Variants in NFS1 observed in about 807,000 individuals in gnomAD.
NFS1 encodes the protein NFS1 cysteine desulfurase.
Under a neutral mutation model 57.3 loss-of-function variants are expected in NFS1, and 26 were observed. The ratio of observed to expected loss-of-function variants is 0.45; its 90% CI spans 0.33 to 0.63. The LOEUF is 0.63. NFS1 is among the 20% of genes least tolerant of loss of function. NFS1 has a pLI of 0.02. For missense variants in NFS1, 505 were observed against 605.8 expected, an observed-to-expected ratio of 0.83 and a Z score of 1.75; for synonymous variants, 209 against 216.3, an observed-to-expected ratio of 0.97 and a Z score of 0.30.
At chr20:35,675,465 T>C (rs930848193) in intron 7 of NFS1, 1 of 515,906 alleles carries the variant, frequency 1.9e-6, no homozygotes, top group Non-Finnish European at 3.4e-6. Flanking sequence ...AATGCCATCA[T>C]ACATTACAGT....
chr20:35,698,037 A>C (rs1033602426), intron 2 of NFS1, among the ~76,000 whole-genome samples: 11 of 152,176 alleles, frequency 7.2e-5, no homozygotes, highest in African/African-American at 1.2e-4. Context: ...GGTAGTCTAC[A>C]AACACTGCCT....
chr20:35,674,628 G>C lies in NFS1; in HGVS notation c.949-11C>G, dbSNP rs766098518. 3.7e-5 allele frequency: 60 copies of C among 1,603,884 alleles called. No individual in the cohort carries two copies. The highest frequency in any genetic ancestry group is 5.1e-5 in the Non-Finnish European group (60 of 1,170,818). ...TCGCTTGTGGTCATACTAAGGAGCA[G>C]GCAAGGAAGGATTAGGCAGTAACCA... On this transcript the variant is annotated splice_polypyrimidine_tract_variant and intron_variant, in intron 8 of 12. Transcript: ENST00000374092.
intron 5 of NFS1, 111 bp downstream of exon 5, chr20:35,690,302 C>G: frequency 1.9e-6 from 2 of 1,037,816 alleles, no homozygotes; most frequent in South Asian, 3.0e-5. Context: ...TAAACTTCAT[C>G]CTAACTGTTA....
intron 12 of NFS1, among the ~76,000 whole-genome samples, chr20:35,671,529 C>G (rs1269116470): frequency 6.6e-6 from 1 of 152,136 alleles, no homozygotes; most frequent in Non-Finnish European, 1.5e-5. Flanking sequence ...TACAACTGTG[C>G]CACTGCACTC....
rs1021669622 is a variant in NFS1, at chr20:35,699,318, G to A, written c.-30C>T. 9 of 1,395,954 alleles carry A rather than the reference G, an allele frequency of 6.4e-6. No homozygotes were observed. Among genetic ancestry groups the A allele is most frequent in the Non-Finnish European group, 8.3e-6 (9 of 1,081,630 alleles). The allele number at this position is 1,395,954 out of a possible 1,614,324, so 86.5% of individuals were successfully genotyped here. A position where few individuals can be genotyped will look rare whatever the true frequency, so the allele number is the denominator to read the frequency against. On this transcript the variant is annotated 5_prime_UTR_variant, in exon 1 of 13. Transcript: ENST00000374092. The surrounding 1 kb of genome is among the most constrained non-coding windows in gnomAD (Gnocchi z 4.4). ...CCGCTGGCAGAGCCCACCTTCCGAA[G>A]CCGCTGCAGTCCTGGGCCCCAGGCT...
intron 5 of NFS1, among the ~76,000 whole-genome samples, chr20:35,682,460 G>A (rs2034864284): frequency 1.3e-5 from 2 of 152,192 alleles, no homozygotes; most frequent in Admixed American, 6.5e-5. Flanking sequence ...ACACGCAGCA[G>A]TGAATGAATT....
At chr20:35,674,774 T>A in intron 8 of NFS1, 157 bp from the exon 9 acceptor site, 1 of 685,142 alleles carries the variant, frequency 1.5e-6, no homozygotes, top group East Asian at 2.7e-5. Flanking sequence ...GTACTGAGCA[T>A]AGTGCCTGGT....
intron 5 of NFS1, among the ~76,000 whole-genome samples, chr20:35,683,061 GA>G (rs1310876591): frequency 6.6e-6 from 1 of 151,608 alleles, no homozygotes; most frequent in Non-Finnish European, 1.5e-5. Context: ...CTGGGCAACA[GA>G]ACAAGATTCC....
At chr20:35,696,300 A>G (rs929027398) in intron 4 of NFS1, 77 bp downstream of exon 4, 29 of 953,892 alleles carry the variant, frequency 3.0e-5, no homozygotes, top group Admixed American at 5.2e-5. Context: ...AAATACATAT[A>G]CGAGTCCAAA....
intron 5 of NFS1, among the ~76,000 whole-genome samples, chr20:35,685,888 CAG>C (rs1389558725): frequency 1.0e-4 from 15 of 146,988 alleles, no homozygotes; most frequent in Non-Finnish European, 1.9e-4. Flanking sequence ...AAAAGAAACA[CAG>C]GGGTAAAACT....
In NFS1 at chr20:35,696,462, T is replaced by C. The variant is rs1342759998; in HGVS notation, c.325-2A>G. 1 of 1,612,926 alleles carries C rather than the reference T, an allele frequency of 6.2e-7. No individual in the cohort carries two copies. The highest frequency in any genetic ancestry group is 8.5e-7 in the Non-Finnish European group (1 of 1,178,956). On this transcript the variant is annotated splice_acceptor_variant, in intron 3 of 12. Transcript: ENST00000374092. LOFTEE classifies it high-confidence loss of function. ...AGCTCCAATCAGAGATGCTACTTGC[T>C]GCAAGCCAAGAAACAGAGATATATA...
intron 5 of NFS1, among the ~76,000 whole-genome samples, 164 bp from the exon 6 acceptor site, chr20:35,682,145 T>C (rs1284300566): frequency 6.6e-6 from 1 of 152,208 alleles, no homozygotes; most frequent in Non-Finnish European, 1.5e-5. Context: ...ATGCACAGAC[T>C]CTGAATGGTT....
intron 5 of NFS1, among the ~76,000 whole-genome samples, chr20:35,687,595 G>C (rs1438435377): frequency 1.3e-5 from 2 of 152,150 alleles, no homozygotes; most frequent in Non-Finnish European, 2.9e-5. Flanking sequence ...GCCACTACCA[G>C]TCTCCGTGCC....
intron 12 of NFS1, among the ~76,000 whole-genome samples, chr20:35,671,195 C>T (rs1312691326): frequency 6.6e-6 from 1 of 152,198 alleles, no homozygotes; most frequent in East Asian, 1.9e-4. Context: ...GCTCTGCCTC[C>T]TGGGTTCACG....
intron 5 of NFS1, among the ~76,000 whole-genome samples, chr20:35,688,278 G>C (rs1315511869): frequency 6.6e-6 from 1 of 151,308 alleles, no homozygotes; most frequent in Non-Finnish European, 1.5e-5. Context: ...AGCCAGGCCA[G>C]CTGCAGTGGC....
chr20:35,671,734 A>G (rs1354805648), intron 12 of NFS1, among the ~76,000 whole-genome samples: 2 of 152,004 alleles, frequency 1.3e-5, no homozygotes, highest in African/African-American at 4.8e-5. Flanking sequence ...TACAAAAAAT[A>G]CAAAAACTAA....
Position 35,681,966 on chromosome 20 carries a change from T to G in NFS1, c.577A>C (p.Ile193Leu), listed in dbSNP as rs746138031. ...GACACCAGGCTAGTATCTGGCTGGA[T>G]AGCAGCCTCTAGTTCCTAGGGATAT... The part of the protein sequence containing the change: ...IIDLKELEAA[I>L]QPDTSLVSVM... The change falls in exon 6 of 13, where the codon ATC becomes CTC. Residue 193 changes from isoleucine to leucine, a missense_variant. Transcript: ENST00000374092. The G allele has an allele frequency of 1.1e-5, 17 of 1,605,984 alleles. No homozygotes were observed. In the East Asian group the frequency reaches 2.5e-4, roughly 23 times the overall value.
At chr20:35,689,800 T>C (rs1601532081) in intron 5 of NFS1, among the ~76,000 whole-genome samples, 1 of 140,084 alleles carries the variant, frequency 7.1e-6, no homozygotes, top group South Asian at 2.3e-4. Context: ...TAGCCAGGTG[T>C]GGTGGCACGT....
intron 5 of NFS1, among the ~76,000 whole-genome samples, chr20:35,686,265 G>A (rs1227854346): frequency 1.3e-5 from 2 of 148,968 alleles, no homozygotes; most frequent in East Asian, 2.0e-4. Flanking sequence ...CAGGAAAATC[G>A]CTTGAACCCG....
Sources: gnomAD v4.1 joint callset for allele counts (sites outside exome capture counted in the v4.1 genomes callset) on GRCh38, gnomAD v4.1.1 for gene constraint, Gnocchi (gnomAD v3.1) non-coding constraint, MANE v1.5 for transcripts, NCBI Gene and HGNC (gene_info 2026-07-23, HGNC 2026-07-21) for gene names.